ACAD8: variants seen among roughly 807,000 people sequenced by gnomAD.
The protein encoded by ACAD8 is acyl-CoA dehydrogenase family member 8.
Under a neutral mutation model 53.1 loss-of-function variants are expected in ACAD8, and 47 were observed. The ratio of observed to expected loss-of-function variants is 0.89; its 90% CI spans 0.70 to 1.13. The LOEUF (loss-of-function observed/expected upper bound fraction) is 1.13. Ranked by LOEUF, ACAD8 falls within the 50% of genes most tolerant of loss-of-function variation. ACAD8 has a pLI of 0.00. For missense variants in ACAD8, 494 were observed against 535.0 expected, an observed-to-expected ratio of 0.92 and a Z score of 0.76; for synonymous variants, 198 against 201.3, an observed-to-expected ratio of 0.98 and a Z score of 0.14.
chr11:134,265,805 T>C lies in ACAD8; in HGVS notation c.*845T>C, dbSNP rs1343120169. The C allele has an allele frequency of 1.3e-5, 2 of 152,250 alleles. No homozygotes were observed. Among genetic ancestry groups the C allele is most frequent in the Non-Finnish European group, 2.9e-5 (2 of 68,046 alleles). 9.4% of individuals were successfully genotyped at this position (152,250 alleles called of 1,614,324 possible). A position where few individuals can be genotyped will look rare whatever the true frequency, so the allele number is the denominator to read the frequency against. ...TGTTTAATTGTATTTGATTAAACACTTAACTGGATTTTGGAATAATAAAAC... is the reference window on the plus strand; with the variant it reads ...TGTTTAATTGTATTTGATTAAACACCTAACTGGATTTTGGAATAATAAAAC... On this transcript the variant is annotated 3_prime_UTR_variant, in exon 11 of 11. Transcript: ENST00000281182.
chr11:134,262,836 C>T (rs1227944649), intron 10 of ACAD8: 8 of 1,442,858 alleles, frequency 5.5e-6, no homozygotes, highest in Non-Finnish European at 4.6e-6. Context: ...CCTCAGATCG[C>T]TCTGCTGCTG....
intron 2 of ACAD8, 48 bp from the exon 3 acceptor site, chr11:134,257,040 G>A (rs1939572323): frequency 6.2e-7 from 1 of 1,608,800 alleles, no homozygotes; most frequent in African/African-American, 1.3e-5. Flanking sequence ...TAAAAGGAAG[G>A]CCGTCTCTGA....
intron 10 of ACAD8, chr11:134,263,353 A>G: frequency 1.0e-6 from 1 of 989,348 alleles, no homozygotes; most frequent in Non-Finnish European, 1.2e-6. Context: ...CTCAAACCTC[A>G]GCCTGTGCTG....
chr11:134,262,452 A>G, intron 9 of ACAD8, 68 bp from the exon 10 acceptor site: 1 of 1,080,602 alleles, frequency 9.3e-7, no homozygotes, highest in Non-Finnish European at 1.4e-6. Context: ...GGGCTGGGGT[A>G]GGAAGGGAAG....
At position 134,261,268 on chromosome 11, in the gene ACAD8, C is replaced by G. The variant is rs986266918; in HGVS notation, c.842-7C>G. On this transcript the variant is annotated splice_region_variant and splice_polypyrimidine_tract_variant and intron_variant, in intron 7 of 10. Coordinates refer to ENST00000281182, the MANE Select transcript of ACAD8 (RefSeq NM_014384.3). This position sits in a 1 kb window ranked among gnomAD's most constrained non-coding sequence, Gnocchi z 4.2. ...TTGGTTGGAACGTCGGCGCTCTTCC[C>G]CTCTAGCTTCCTGCTCCCTGGGGGC... 1 of 1,614,068 alleles carries G rather than the reference C, an allele frequency of 6.2e-7. No individual in the cohort carries two copies. The highest frequency in any genetic ancestry group is 1.3e-5 in the African/African-American group (1 of 74,920).
chr11:134,265,139 C>T lies in ACAD8; in HGVS notation c.*179C>T, dbSNP rs1940112092. On this transcript the variant is annotated 3_prime_UTR_variant, in exon 11 of 11. Coordinates refer to ENST00000281182, the MANE Select transcript of ACAD8 (RefSeq NM_014384.3). ...TCGGGTCTTGGACTGGGGCAGAATC[C>T]CCAGTGGAACCGGAAGAGCTGGACT... 3.0e-6 allele frequency: 2 copies of T among 663,184 alleles called. No homozygotes were observed. Among genetic ancestry groups the T allele is most frequent in the Admixed American group, 2.5e-5 (1 of 40,666 alleles). 41.1% of individuals were successfully genotyped at this position (663,184 alleles called of 1,614,324 possible).
At chr11:134,260,077 A>G in intron 6 of ACAD8, 1 of 1,205,352 alleles carries the variant, frequency 8.3e-7, no homozygotes, top group Non-Finnish European at 1.0e-6. Context: ...CGCTTAGAGA[A>G]GACCTGGTGT....
Position 134,261,908 on chromosome 11 carries a change from C to G in ACAD8, c.1092+18C>G. 6.2e-7 allele frequency: 1 copy of G among 1,613,170 alleles called. No individual in the cohort carries two copies. The highest frequency in any genetic ancestry group is 8.5e-7 in the Non-Finnish European group (1 of 1,179,984). ...GCTTTGCCGTAAGTGATTCCTCTGG[C>G]TCTCCTGGGATGGACAGGGAACAGC... On this transcript the variant is annotated intron_variant, in intron 9 of 10. Transcript: ENST00000281182. The surrounding 1 kb of genome is among the most constrained non-coding windows in gnomAD (Gnocchi z 4.2).
chr11:134,256,674 G>T (rs762589603), intron 2 of ACAD8, 26 bp downstream of exon 2: 1 of 1,588,896 alleles, frequency 6.3e-7, no homozygotes, highest in Non-Finnish European at 8.6e-7. Context: ...GTGCTTAGAC[G>T]TTCTAACAAC....
intron 10 of ACAD8, chr11:134,263,102 A>G (rs935164569): frequency 3.5e-6 from 4 of 1,144,778 alleles, no homozygotes; most frequent in African/African-American, 1.6e-5. Context: ...CCATCACTAT[A>G]TGGGTATCTT....
In ACAD8 at chr11:134,253,612, C is replaced by T. The variant is rs777227435; in HGVS notation, c.12C>T (p.Ser4=). 3 of 1,579,350 alleles carry T rather than the reference C, an allele frequency of 1.9e-6. No homozygotes were observed. Among genetic ancestry groups the T allele is most frequent in the East Asian group, 2.3e-5 (1 of 42,634 alleles). MLW[S]GCRRFGARLG... ...GAGCTGCGGCGGCTATGCTGTGGAG[C>T]GGCTGCCGGCGTTTCGGGGCGCGCC... The change falls in exon 1 of 11, where the codon AGC becomes AGT. Residue 4 remains serine (S), a synonymous_variant. Coordinates refer to ENST00000281182, the MANE Select transcript of ACAD8 (RefSeq NM_014384.3).
Position 134,261,110 on chromosome 11 carries a change from A to G in ACAD8, c.772A>G (p.Arg258Gly). 6.2e-7 allele frequency: 1 copy of G among 1,611,974 alleles called. No individual in the cohort carries two copies. The highest frequency in any genetic ancestry group is 2.2e-5 in the East Asian group (1 of 44,844). ...AGACTGTGCTGTCCCTGTGGCCAAC[A>G]GAATTGGGAGCGAGGGGCAGGGCTT... Reference protein sequence around the residue: ...FEDCAVPVANRIGSEGQGFLI... With the variant: ...FEDCAVPVANGIGSEGQGFLI... The change falls in exon 7 of 11, where the codon AGA becomes GGA. Residue 258 changes from arginine to glycine, a missense_variant. Coordinates refer to ENST00000281182, the MANE Select transcript of ACAD8 (RefSeq NM_014384.3). The surrounding 1 kb of genome is among the most constrained non-coding windows in gnomAD (Gnocchi z 4.2).
At chr11:134,255,880 C>T (rs1238098484) in intron 1 of ACAD8, among the ~76,000 whole-genome samples, 2 of 152,126 alleles carry the variant, frequency 1.3e-5, no homozygotes, top group Admixed American at 1.3e-4. Context: ...AAGTGTGGCG[C>T]CATAGTCTTC....
chr11:134,260,929 T>G, intron 6 of ACAD8, 115 bp from the exon 7 acceptor site: 10 of 1,237,542 alleles, frequency 8.1e-6, no homozygotes, highest in Non-Finnish European at 1.2e-5. Flanking sequence ...TTTTAAGTTC[T>G]TGTGGGTCTA....
rs1339680789 is a variant in ACAD8, at chr11:134,259,073, A to G, written c.556A>G (p.Asn186Asp). Residue 186 changes from asparagine (N) to aspartate (D), a missense_variant, in exon 5 of 11, where the codon AAT becomes GAT. Asn to Asp is a conservative substitution (Grantham distance 23). Coordinates refer to ENST00000281182, the MANE Select transcript of ACAD8 (RefSeq NM_014384.3). The stretch of plus-strand genomic sequence containing the variant: ...GAAACAGGGAGATCATTACATCCTC[A>G]ATGGCTCCAAGGTACTAGCGTGCGT... ...AKKQGDHYILNGSKAFISGAG... is the reference protein window; with the variant it reads ...AKKQGDHYILDGSKAFISGAG... 1.2e-6 allele frequency: 2 copies of G among 1,614,106 alleles called. No individual in the cohort carries two copies. Among genetic ancestry groups the G allele is most frequent in the Admixed American group, 3.3e-5 (2 of 60,018 alleles).
At chr11:134,255,961 A>G (rs1418536753) in intron 1 of ACAD8, among the ~76,000 whole-genome samples, 4 of 152,196 alleles carry the variant, frequency 2.6e-5, no homozygotes, top group African/African-American at 9.7e-5. Flanking sequence ...GCTAGAGTGC[A>G]ATGGCACAAT....
At chr11:134,260,120 G>T (rs1382012045) in intron 6 of ACAD8, 5 of 1,173,582 alleles carry the variant, frequency 4.3e-6, no homozygotes, top group Non-Finnish European at 5.3e-6. Flanking sequence ...AAGGCGTGTG[G>T]TCCCTTTTGC....
intron 4 of ACAD8, 162 bp downstream of exon 4, chr11:134,258,786 C>A: frequency 1.4e-6 from 1 of 734,070 alleles, no homozygotes; most frequent in Non-Finnish European, 2.4e-6. Flanking sequence ...TCACAAGGAC[C>A]AAGAAGCCTA....
intron 10 of ACAD8, 89 bp from the exon 11 acceptor site, chr11:134,264,819 G>C (rs1591519677): frequency 3.4e-6 from 4 of 1,175,224 alleles, no homozygotes; most frequent in African/African-American, 1.5e-5. Flanking sequence ...CAGCTACTCT[G>C]AACTAGGCCT....
Sources: gnomAD v4.1 joint callset for allele counts (sites outside exome capture counted in the v4.1 genomes callset) on GRCh38, gnomAD v4.1.1 for gene constraint, Gnocchi (gnomAD v3.1) non-coding constraint, MANE v1.5 for transcripts, NCBI Gene and HGNC (gene_info 2026-07-23, HGNC 2026-07-21) for gene names.